The following CWF19L2 variants were observed in gnomAD, a reference collection of about 807,000 sequenced individuals.
The protein encoded by CWF19L2 is CWF19 like cell cycle control factor 2.
A neutral mutation model predicts 111.7 loss-of-function variants in CWF19L2; 98 were observed. That is an observed-to-expected ratio of 0.88 (90% CI 0.75 to 1.04). The LOEUF (loss-of-function observed/expected upper bound fraction) is 1.04. Ranked by LOEUF, CWF19L2 falls within the 50% of genes least tolerant of loss-of-function variation. The pLI is 0.00. For synonymous variants in CWF19L2, 351 were observed against 342.9 expected (o/e 1.02, Z -0.26); for missense variants, 1,101 against 1,051.4 (o/e 1.05, Z -0.65).
rs374800920 is a variant in CWF19L2 at position 107,343,400 on chromosome 11, G to A, written c.2202+5537C>T. Among the ~76,000 whole-genome samples, 35 of 151,470 alleles carry A rather than the reference G, an allele frequency of 2.3e-4. No homozygotes were observed. In the South Asian group the frequency reaches 6.1e-3, roughly 26 times the overall value. On this transcript the variant is annotated intron_variant, in intron 14 of 17. Coordinates refer to ENST00000282251, the MANE Select transcript of CWF19L2 (RefSeq NM_152434.3). ...CTTCGGTAATTTCCTCTGCTCTAAC[G>A]TCTACTTTATCTGGCATAAATGCTT...
intron 3 of CWF19L2, among the ~76,000 whole-genome samples, chr11:107,450,034 A>G (rs1355584984): frequency 3.3e-5 from 5 of 151,990 alleles, no homozygotes; most frequent in Non-Finnish European, 7.4e-5. Context: ...ATTGAAAAGT[A>G]AGAGACGTGA....
In CWF19L2 at chr11:107,362,204, A is replaced by G. The variant is rs1033835120; in HGVS notation, c.1873-8468T>C. Among the ~76,000 whole-genome samples the G allele has an allele frequency of 1.7e-4, 8 of 46,214 alleles. No individual in the cohort carries two copies. In the East Asian group the frequency reaches 2.7e-3, roughly 16 times the overall value. The allele number at this position is 46,214 out of a possible 152,430, so 30.3% of individuals were successfully genotyped here. On this transcript the variant is annotated intron_variant, in intron 12 of 17. Coordinates refer to ENST00000282251, the MANE Select transcript of CWF19L2 (RefSeq NM_152434.3). ...ACGGAGTCTCGCTGATTGCTACCAC[A>G]GCAGCTGAGATCAAACTGCAAGGCG...
At chr11:107,349,320 C>T (rs1050714520) in intron 13 of CWF19L2, among the ~76,000 whole-genome samples, 4 of 152,042 alleles carry the variant, frequency 2.6e-5, no homozygotes, top group Non-Finnish European at 5.9e-5. Flanking sequence ...CATCAGACAA[C>T]GATTAAGATT....
intron 17 of CWF19L2, among the ~76,000 whole-genome samples, chr11:107,327,434 T>C: frequency 6.6e-6 from 1 of 152,212 alleles, no homozygotes; most frequent in East Asian, 1.9e-4. Context: ...ACTTTACTGC[T>C]CAACTGCAGT....
intron 10 of CWF19L2, chr11:107,403,712 G>A (rs923456159): frequency 2.4e-6 from 2 of 824,850 alleles, no homozygotes; most frequent in African/African-American, 3.3e-5. Context: ...GGCTTGCTCT[G>A]CCGCCTCCTT....
rs893764532 is a variant in CWF19L2, at chr11:107,369,197, C to T, written c.1873-15461G>A. On this transcript the variant is annotated intron_variant, in intron 12 of 17. Transcript: ENST00000282251. Reference sequence around the variant, plus strand: ...TTTTTTTCTTCATTATTTGTGCTCTCTATAAAGTCTGTTGTCAGTTCTTAC... The same window carrying T: ...TTTTTTTCTTCATTATTTGTGCTCTTTATAAAGTCTGTTGTCAGTTCTTAC... 2.9e-5 allele frequency among the ~76,000 whole-genome samples: 4 copies of T among 137,806 alleles called. 1 individual carries two copies. Among genetic ancestry groups the T allele is most frequent in the Non-Finnish European group, 6.2e-5 (4 of 64,230 alleles). 90.4% of individuals were successfully genotyped at this position (137,806 alleles called of 152,430 possible).
intron 14 of CWF19L2, among the ~76,000 whole-genome samples, chr11:107,337,840 T>G (rs1452537795): frequency 6.6e-6 from 1 of 152,222 alleles, no homozygotes; most frequent in African/African-American, 2.4e-5. Context: ...TTTTTAATAT[T>G]TTATTTAAAC....
chr11:107,387,239 T>C (rs1591177705), intron 12 of CWF19L2, among the ~76,000 whole-genome samples: 1 of 152,052 alleles, frequency 6.6e-6, no homozygotes, highest in South Asian at 2.1e-4. Flanking sequence ...CATTTCAATA[T>C]ACAGCACCAG....
rs552087630 is a variant in CWF19L2, at chr11:107,341,691, A to G, written c.2203-4978T>C. On this transcript the variant is annotated intron_variant, in intron 14 of 17. Transcript: ENST00000282251. ...GTGTCAATTCTTTAAAAGTTTCATA[A>G]AATTCTCCAATGAAACCATCTGGGT... Among the ~76,000 whole-genome samples the G allele has an allele frequency of 3.8e-3, 577 of 152,246 alleles. 1 individual carries two copies. Among genetic ancestry groups the G allele is most frequent in the African/African-American group, 0.012 (519 of 41,556 alleles).
At chr11:107,387,478 A>AT (rs1860787243) in intron 12 of CWF19L2, among the ~76,000 whole-genome samples, 1 of 151,404 alleles carries the variant, frequency 6.6e-6, no homozygotes. Context: ...AAAAAACAAA[A>AT]AAAACCTTCA....
At chr11:107,449,055 A>G (rs1432362424) in intron 3 of CWF19L2, among the ~76,000 whole-genome samples, 3 of 151,876 alleles carry the variant, frequency 2.0e-5, no homozygotes, top group African/African-American at 7.3e-5. Context: ...CACTACATAC[A>G]GAGAAAAAAT....
intron 1 of CWF19L2, among the ~76,000 whole-genome samples, chr11:107,456,242 G>A (rs1861853131): frequency 6.6e-6 from 1 of 152,126 alleles, no homozygotes; most frequent in Non-Finnish European, 1.5e-5. Context: ...GATCATATTG[G>A]TAATTTTTAT....
intron 12 of CWF19L2, among the ~76,000 whole-genome samples, chr11:107,363,509 G>A (rs530497614): frequency 2.0e-5 from 3 of 150,284 alleles, no homozygotes; most frequent in South Asian, 2.1e-4. Flanking sequence ...GAGAGTGGGG[G>A]CCAATATTCA....
At chr11:107,439,442 G>C (rs1276296399) in intron 5 of CWF19L2, among the ~76,000 whole-genome samples, 1 of 152,132 alleles carries the variant, frequency 6.6e-6, no homozygotes, top group Admixed American at 6.5e-5. Context: ...GTCAGCCCTT[G>C]CTAACTTTTA....
chr11:107,350,823 T>C (rs1860146690), intron 13 of CWF19L2, among the ~76,000 whole-genome samples: 1 of 152,004 alleles, frequency 6.6e-6, no homozygotes, highest in African/African-American at 2.4e-5. Flanking sequence ...TAGGGTAACA[T>C]TTGAGAAGAT....
chr11:107,331,695 G>C (rs1462825231), intron 16 of CWF19L2, among the ~76,000 whole-genome samples: 1 of 152,156 alleles, frequency 6.6e-6, no homozygotes, highest in African/African-American at 2.4e-5. Context: ...ATATGTTTGT[G>C]GTAATTTCTT....
At chr11:107,363,025 T>C (rs1591164339) in intron 12 of CWF19L2, among the ~76,000 whole-genome samples, 1 of 152,048 alleles carries the variant, frequency 6.6e-6, no homozygotes, top group Admixed American at 6.5e-5. Context: ...ACGTGAAGAA[T>C]GCAGAAGCCT....
At chr11:107,330,644 CCACACACACACACACACA>C (rs56313409) in intron 16 of CWF19L2, among the ~76,000 whole-genome samples, 30 of 121,724 alleles carry the variant, frequency 2.5e-4, no homozygotes, top group Admixed American at 5.0e-4. Flanking sequence ...ACCCCCCCCA[CCACACACACACACACACA>C]CACACACACA....
At chr11:107,397,039 G>A (rs553404660) in intron 10 of CWF19L2, among the ~76,000 whole-genome samples, 1 of 152,102 alleles carries the variant, frequency 6.6e-6, no homozygotes, top group Non-Finnish European at 1.5e-5. Flanking sequence ...CAAACAGCCC[G>A]TTCCTGCCTG....
Sources: gnomAD v4.1 joint callset for allele counts (sites outside exome capture counted in the v4.1 genomes callset) on GRCh38, gnomAD v4.1.1 for gene constraint, MANE v1.5 for transcripts, NCBI Gene and HGNC (gene_info 2026-07-23, HGNC 2026-07-21) for gene names.